Variants in CXCR5 observed in about 807,000 individuals in gnomAD.
CXCR5 encodes the protein C-X-C chemokine receptor type 5.
Under a neutral mutation model 5.6 loss-of-function variants are expected in CXCR5, and 3 were observed. That is an observed-to-expected ratio of 0.54 (90% CI 0.24 to 1.39). The LOEUF (loss-of-function observed/expected upper bound fraction) is 1.39. CXCR5 is among the 40% of genes most tolerant of loss of function. The pLI is 0.16. For missense variants in CXCR5, 333 were observed against 494.6 expected (o/e 0.67, Z 3.10); for synonymous variants, 218 against 219.9 (o/e 0.99, Z 0.08).
In CXCR5 at chr11:118,893,700, G is replaced by A. The variant is rs199712827; in HGVS notation, c.156G>A (p.Val52=). 6.2e-7 allele frequency: 1 copy of A among 1,614,186 alleles called. No homozygotes were observed. The highest frequency in any genetic ancestry group is 2.2e-5 in the East Asian group (1 of 44,876). The change falls in exon 2 of 2, where the codon GTG becomes GTA. Residue 52 remains valine, a synonymous_variant. Coordinates refer to ENST00000292174, the MANE Select transcript of CXCR5 (RefSeq NM_001716.5). This position sits in a 1 kb window ranked among gnomAD's most constrained non-coding sequence, Gnocchi z 5.7. Reference sequence around the variant, plus strand: ...CCCTCATGGCCTCCTTCAAGGCCGTGTTCGTGCCCGTGGCCTACAGCCTCA... The same window carrying A: ...CCCTCATGGCCTCCTTCAAGGCCGTATTCGTGCCCGTGGCCTACAGCCTCA... ...EGPLMASFKA[V]FVPVAYSLIF... is the part of the protein sequence containing the mutation.
chr11:118,886,323 C>T, intron 1 of CXCR5: 2 of 440,694 alleles, frequency 4.5e-6, no homozygotes, highest in Non-Finnish European at 8.9e-6. Flanking sequence ...AGAACTGGGG[C>T]CTTTTGGTTA....
rs1000099476 is a variant in CXCR5 at position 118,893,525 on chromosome 11, A to G, written c.52-71A>G. On this transcript the variant is annotated intron_variant, in intron 1 of 1. Coordinates refer to ENST00000292174, the MANE Select transcript of CXCR5 (RefSeq NM_001716.5). This position sits in a 1 kb window ranked among gnomAD's most constrained non-coding sequence, Gnocchi z 5.7. ...CTATGTAGGAAAAAACCTCCAAGAG[A>G]GCTAGGGTTCCTCTCAGAGAGGAAA... The G allele has an allele frequency of 9.8e-5, 148 of 1,507,554 alleles. No individual in the cohort carries two copies. The highest frequency in any genetic ancestry group is 1.3e-4 in the Non-Finnish European group (147 of 1,127,322). The allele number at this position is 1,507,554 out of a possible 1,614,324, so 93.4% of individuals were successfully genotyped here.
Position 118,897,252 on chromosome 11 carries a change from C to T in CXCR5, c.*2589C>T, listed in dbSNP as rs1939952798. The T allele has an allele frequency of 6.3e-6, 1 of 159,096 alleles. No homozygotes were observed. The highest frequency in any genetic ancestry group is 6.0e-5 in the Admixed American group (1 of 16,564). The allele number at this position is 159,096 out of a possible 1,614,324, so 9.9% of individuals were successfully genotyped here. The stretch of plus-strand genomic sequence containing the variant: ...AGTCAGGGCCCTGGAGGTTACCTGG[C>T]CCAGGGCTACTACAGCCACAGGCCC... On this transcript the variant is annotated 3_prime_UTR_variant, in exon 2 of 2. Transcript: ENST00000292174.
chr11:118,884,081 T>G, intron 1 of CXCR5, 89 bp downstream of exon 1: 1 of 1,299,860 alleles, frequency 7.7e-7, no homozygotes. Context: ...GGGGACAGTG[T>G]GGGAATCCTC....
intron 1 of CXCR5, among the ~76,000 whole-genome samples, chr11:118,892,886 G>C (rs552859459): frequency 2.0e-5 from 3 of 152,190 alleles, no homozygotes; most frequent in Admixed American, 2.0e-4. Flanking sequence ...AAGTAGCAGG[G>C]AGCCTGCATC....
Position 118,884,134 on chromosome 11 carries a change from C to T in CXCR5, c.51+142C>T, listed in dbSNP as rs898852052. On this transcript the variant is annotated intron_variant, in intron 1 of 1. Transcript: ENST00000292174. The stretch of plus-strand genomic sequence containing the variant: ...AAAATCTAGACAGGTCAGTCAGCTC[C>T]CGCCCTTTAAGAGTTTATTTTCCAT... 8 of 806,854 alleles carry T rather than the reference C, an allele frequency of 9.9e-6. No individual in the cohort carries two copies. In the South Asian group the frequency reaches 1.1e-4, roughly 11 times the overall value. The allele number at this position is 806,854 out of a possible 1,614,324, so 50.0% of individuals were successfully genotyped here.
At position 118,893,881 on chromosome 11, in the gene CXCR5, G is replaced by A. The variant is rs761394882; in HGVS notation, c.337G>A (p.Val113Met). The stretch of plus-strand genomic sequence containing the variant: ...GCCCTTTGCCGTGGCCGAGGGCTCT[G>A]TGGGCTGGGTCCTGGGGACCTTCCT... The part of the protein sequence containing the change: ...ILPFAVAEGS[V>M]GWVLGTFLCK... Residue 113 changes from valine to methionine, a missense_variant, in exon 2 of 2, where the codon GTG becomes ATG. Transcript: ENST00000292174. The surrounding 1 kb of genome is among the most constrained non-coding windows in gnomAD (Gnocchi z 5.7). 6.8e-6 allele frequency: 11 copies of A among 1,614,172 alleles called. No homozygotes were observed. Among genetic ancestry groups the A allele is most frequent in the Middle Eastern group, 1.6e-4 (1 of 6,062 alleles).
At position 118,893,488 on chromosome 11, in the gene CXCR5, G is replaced by A. The variant is rs1939843555; in HGVS notation, c.52-108G>A. 1 of 1,469,638 alleles carries A rather than the reference G, an allele frequency of 6.8e-7. No individual in the cohort carries two copies. Among genetic ancestry groups the A allele is most frequent in the African/African-American group, 1.4e-5 (1 of 70,982 alleles). 91.0% of individuals were successfully genotyped at this position (1,469,638 alleles called of 1,614,324 possible). A position where few individuals can be genotyped will look rare whatever the true frequency, so the allele number is the denominator to read the frequency against. ...AATTGAAATTTGAAACTTGACATTT[G>A]GTCAGTGGGCCCTATGTAGGAAAAA... On this transcript the variant is annotated intron_variant, in intron 1 of 1. Coordinates refer to ENST00000292174, the MANE Select transcript of CXCR5 (RefSeq NM_001716.5). This position sits in a 1 kb window ranked among gnomAD's most constrained non-coding sequence, Gnocchi z 5.7.
chr11:118,889,311 C>T (rs1164475415), intron 1 of CXCR5, among the ~76,000 whole-genome samples: 1 of 152,218 alleles, frequency 6.6e-6, no homozygotes, highest in East Asian at 1.9e-4. Context: ...GCTGGTGTGG[C>T]CCATCTTGGC....
rs577620512 is a variant in CXCR5, at chr11:118,897,778, T to C, written c.*3115T>C. On this transcript the variant is annotated 3_prime_UTR_variant, in exon 2 of 2. Coordinates refer to ENST00000292174, the MANE Select transcript of CXCR5 (RefSeq NM_001716.5). ...TATCCTTTTTTTTTTGTGTGACTTC[T>C]ATCAAAACACAGAAATACAGCACAC... The C allele has an allele frequency of 2.2e-6, 1 of 454,806 alleles. No homozygotes were observed. The highest frequency in any genetic ancestry group is 7.0e-5 in the East Asian group (1 of 14,372). 28.2% of individuals were successfully genotyped at this position (454,806 alleles called of 1,614,324 possible).
Position 118,894,124 on chromosome 11 carries a change from C to T in CXCR5, c.580C>T (p.His194Tyr), listed in dbSNP as rs138622461. The change falls in exon 2 of 2, where the codon CAT becomes TAT. Residue 194 changes from histidine (H) to tyrosine (Y), a missense_variant. Physicochemically the swap from His to Tyr is moderately conservative, Grantham distance 83. Coordinates refer to ENST00000292174, the MANE Select transcript of CXCR5 (RefSeq NM_001716.5). The surrounding 1 kb of genome is among the most constrained non-coding windows in gnomAD (Gnocchi z 6.1). ...TCTCTTCGCCAAAGTCAGCCAAGGC[C>T]ATCACAACAACTCCCTGCCACGTTG... ...EILFAKVSQG[H>Y]HNNSLPRCTF... 287 of 1,614,090 alleles carry T rather than the reference C, an allele frequency of 1.8e-4. No individual in the cohort carries two copies. The African/African-American group carries it at 3.5e-3, about 20-fold the overall frequency.
intron 1 of CXCR5, among the ~76,000 whole-genome samples, chr11:118,887,952 C>T (rs766582779): frequency 3.3e-5 from 5 of 152,230 alleles, no homozygotes; most frequent in Non-Finnish European, 5.9e-5. Context: ...GCCACGCATG[C>T]AGGCAGCCCT....
Position 118,893,924 on chromosome 11 carries a change from C to T in CXCR5, c.380C>T (p.Ala127Val). Residue 127 changes from alanine to valine, a missense_variant, in exon 2 of 2, where the codon GCC (alanine) becomes GTC (valine). Ala to Val is a moderately conservative substitution (Grantham distance 64). Coordinates refer to ENST00000292174, the MANE Select transcript of CXCR5 (RefSeq NM_001716.5). This position sits in a 1 kb window ranked among gnomAD's most constrained non-coding sequence, Gnocchi z 5.7. ...ACCTTCCTCTGCAAAACTGTGATTG[C>T]CCTGCACAAAGTCAACTTCTACTGC... is the stretch of plus-strand genomic sequence containing the variant. ...LGTFLCKTVI[A>V]LHKVNFYCSS... 6.2e-7 allele frequency: 1 copy of T among 1,614,060 alleles called. No homozygotes were observed. The highest frequency in any genetic ancestry group is 8.5e-7 in the Non-Finnish European group (1 of 1,180,032).
rs1185743146 is a variant in CXCR5, at chr11:118,896,183, C to T, written c.*1520C>T. 1 of 166,780 alleles carries T rather than the reference C, an allele frequency of 6.0e-6. No homozygotes were observed. Among genetic ancestry groups the T allele is most frequent in the Non-Finnish European group, 1.5e-5 (1 of 68,088 alleles). 10.3% of individuals were successfully genotyped at this position (166,780 alleles called of 1,614,324 possible). A position where few individuals can be genotyped will look rare whatever the true frequency, so the allele number is the denominator to read the frequency against. On this transcript the variant is annotated 3_prime_UTR_variant, in exon 2 of 2. Coordinates refer to ENST00000292174, the MANE Select transcript of CXCR5 (RefSeq NM_001716.5). Reference sequence around the variant, plus strand: ...ATAAAAAGGCACCTATAAAACAGGTCAATACAGTACAGGCAGCACAGAGAC... The same window carrying T: ...ATAAAAAGGCACCTATAAAACAGGTTAATACAGTACAGGCAGCACAGAGAC...
rs1939897395 is a variant in CXCR5 at position 118,895,664 on chromosome 11, A to G, written c.*1001A>G. On this transcript the variant is annotated 3_prime_UTR_variant, in exon 2 of 2. Coordinates refer to ENST00000292174, the MANE Select transcript of CXCR5 (RefSeq NM_001716.5). This position sits in a 1 kb window ranked among gnomAD's most constrained non-coding sequence, Gnocchi z 4.2. ...AGGAAACTCAGAGTCGGAACGGAGA[A>G]AGGTGGACTGGAAGGGGCCCGTGGG... 1 of 167,248 alleles carries G rather than the reference A, an allele frequency of 6.0e-6. No individual in the cohort carries two copies. The highest frequency in any genetic ancestry group is 1.5e-5 in the Non-Finnish European group (1 of 68,280). The allele number at this position is 167,248 out of a possible 1,614,324, so 10.4% of individuals were successfully genotyped here. A position where few individuals can be genotyped will look rare whatever the true frequency, so the allele number is the denominator to read the frequency against.
Position 118,896,381 on chromosome 11 carries a change from AG to A in CXCR5, c.*1722del, listed in dbSNP as rs1939921121. The stretch of plus-strand genomic sequence containing the variant: ...TGGCCTGTGGCGTGGGTGGGAGGAG[AG>A]GGGACGGAGAGGGCACTCGGCCCGC... On this transcript the variant is annotated 3_prime_UTR_variant, in exon 2 of 2. Transcript: ENST00000292174. The A allele has an allele frequency of 1.3e-5, 2 of 152,038 alleles. No individual in the cohort carries two copies. Among genetic ancestry groups the A allele is most frequent in the African/African-American group, 4.8e-5 (2 of 41,344 alleles). The allele number at this position is 152,038 out of a possible 1,614,324, so 9.4% of individuals were successfully genotyped here.
intron 1 of CXCR5, among the ~76,000 whole-genome samples, chr11:118,888,855 A>G (rs3176914): frequency 0.025 from 3,744 of 152,208 alleles, 148 homozygotes; most frequent in African/African-American, 0.084. Flanking sequence ...CCCAGGATAG[A>G]TCCCTGAGGC....
At chr11:118,885,378 C>T (rs950924966) in intron 1 of CXCR5, among the ~76,000 whole-genome samples, 29 of 152,310 alleles carry the variant, frequency 1.9e-4, no homozygotes, top group African/African-American at 6.5e-4. Flanking sequence ...CACTAAACCT[C>T]GTGGGGGGTC....
At position 118,885,263 on chromosome 11, in the gene CXCR5, T is replaced by C. The variant is rs575889555; in HGVS notation, c.51+1271T>C. The stretch of plus-strand genomic sequence containing the variant: ...CGTAGGTGGAATCAGAGCCGGACCA[T>C]TCATCTAACCAGGACCTGCTACATA... On this transcript the variant is annotated intron_variant, in intron 1 of 1. Coordinates refer to ENST00000292174, the MANE Select transcript of CXCR5 (RefSeq NM_001716.5). Among the ~76,000 whole-genome samples the C allele has an allele frequency of 7.9e-5, 12 of 152,276 alleles. 1 individual carries two copies. In the South Asian group the frequency reaches 2.1e-3, roughly 26 times the overall value.
Sources: allele counts gnomAD v4.1 joint callset (sites outside exome capture counted in the v4.1 genomes callset), GRCh38; gene constraint gnomAD v4.1.1; non-coding constraint Gnocchi (gnomAD v3.1); transcripts MANE v1.5; gene names NCBI Gene and HGNC (gene_info 2026-07-23, HGNC 2026-07-21).